Variants in ANK3 observed in about 807,000 individuals in gnomAD.
The protein encoded by ANK3 is ankyrin-3.
In ANK3, 57 loss-of-function variants were observed where a neutral mutation model predicts 370.9. That is an observed-to-expected ratio of 0.15 (90% CI 0.12 to 0.19). The LOEUF (loss-of-function observed/expected upper bound fraction) is 0.19, where lower values mean the gene tolerates loss of function less well. Among genes scored for constraint, ANK3 ranks in the 10% least tolerant of loss-of-function variants. ANK3 has a pLI of 1.00. For synonymous variants in ANK3, 1,929 were observed against 1,946.3 expected (o/e 0.99, Z 0.23); for missense variants, 4,439 against 5,302.1 (o/e 0.84, Z 5.06).
chr10:60,631,034 G>A (rs759281652), intron 1 of ANK3, among the ~76,000 whole-genome samples: 1 of 152,066 alleles, frequency 6.6e-6, no homozygotes, highest in Non-Finnish European at 1.5e-5. Context: ...AAAGCAAGGG[G>A]GAATCAATTA....
chr10:60,255,443 G>A, intron 7 of ANK3, among the ~76,000 whole-genome samples: 1 of 152,224 alleles, frequency 6.6e-6, no homozygotes, highest in East Asian at 1.9e-4. Flanking sequence ...GGGACCAAAG[G>A]AAAACCTAGA....
At position 60,173,112 on chromosome 10, in the gene ANK3, A is replaced by G; in HGVS notation, c.2259T>C (p.Ser753=). 6.2e-7 allele frequency: 1 copy of G among 1,614,160 alleles called. No homozygotes were observed. The highest frequency in any genetic ancestry group is 8.5e-7 in the Non-Finnish European group (1 of 1,179,990). ...IKIVNFLLQH[S]AKVNAKTKNG... ...CCTTTGTTTTGGCATTAACTTTTGC[A>G]GAATGCTGGAGCAGGAAATTAACAA... Residue 753 remains serine (S), a synonymous_variant, in exon 19 of 44, where the codon TCT becomes TCC. Transcript: ENST00000280772.
chr10:60,037,752 A>G (rs1035620543), intron 43 of ANK3, among the ~76,000 whole-genome samples: 2 of 152,216 alleles, frequency 1.3e-5, no homozygotes, highest in African/African-American at 4.8e-5. Context: ...TGCAGTGAAC[A>G]TACATGTGCA....
chr10:60,042,173 C>A (rs187560895), intron 43 of ANK3, among the ~76,000 whole-genome samples: 50 of 152,212 alleles, frequency 3.3e-4, no homozygotes, highest in Non-Finnish European at 6.0e-4. Context: ...CTATTTTTTC[C>A]TTTTGTTTCT....
At chr10:60,577,193 C>CA (rs1211958511) in intron 2 of ANK3, among the ~76,000 whole-genome samples, 1 of 152,140 alleles carries the variant, frequency 6.6e-6, no homozygotes, top group Non-Finnish European at 1.5e-5. Flanking sequence ...ACAGAGCTGG[C>CA]ATTGTCTTAG....
At position 60,644,834 on chromosome 10, in the gene ANK3, T is replaced by C. The variant is rs915818862; in HGVS notation, c.58-29610A>G. On this transcript the variant is annotated intron_variant, in intron 1 of 43. Transcript: ENST00000373827. ...GAAAAACTATCCAAGGAAGTTAATT[T>C]AGTTAAAAGAAAAAAAAAGCTGAGA... Among the ~76,000 whole-genome samples, 16 of 27,852 alleles carry C rather than the reference T, an allele frequency of 5.7e-4. 1 individual carries two copies. Among genetic ancestry groups the C allele is most frequent in the Non-Finnish European group, 6.9e-4 (8 of 11,662 alleles). The allele number at this position is 27,852 out of a possible 152,430, so 18.3% of individuals were successfully genotyped here.
intron 2 of ANK3, among the ~76,000 whole-genome samples, chr10:60,439,506 CA>C (rs112702811): frequency 4.7e-5 from 7 of 149,642 alleles, no homozygotes; most frequent in East Asian, 2.0e-4. Context: ...ATGAAAACAA[CA>C]AAAAAAAATA....
At chr10:60,131,583 T>G (rs908296129) in intron 25 of ANK3, among the ~76,000 whole-genome samples, 1 of 152,230 alleles carries the variant, frequency 6.6e-6, no homozygotes. Context: ...CTTCTATTTC[T>G]GTTCACAAAT....
At chr10:60,511,659 C>T (rs898006323) in intron 2 of ANK3, among the ~76,000 whole-genome samples, 1 of 152,016 alleles carries the variant, frequency 6.6e-6, no homozygotes, top group Non-Finnish European at 1.5e-5. Context: ...CCTCTTATGA[C>T]ACACATTAAG....
chr10:60,483,709 G>A (rs749082666), intron 2 of ANK3, among the ~76,000 whole-genome samples: 7 of 151,844 alleles, frequency 4.6e-5, no homozygotes, highest in African/African-American at 7.3e-5. Flanking sequence ...ATGTTTTCTC[G>A]ACCTCCCCCT....
intron 28 of ANK3, among the ~76,000 whole-genome samples, chr10:60,092,348 G>A (rs7068951): frequency 0.27 from 40,448 of 151,930 alleles, 6,685 homozygotes; most frequent in Non-Finnish European, 0.36. Context: ...TATCAGATAC[G>A]TGAGGCTGAG....
intron 2 of ANK3, among the ~76,000 whole-genome samples, chr10:60,474,890 A>G (rs1431965191): frequency 6.6e-6 from 1 of 152,088 alleles, no homozygotes; most frequent in East Asian, 1.9e-4. Flanking sequence ...GGAGATTTTT[A>G]TCTTCTTCAT....
rs750584727 is a variant in ANK3 at position 60,068,950 on chromosome 10, G to GGTGGTGGTA, written c.11922_11930dup (p.Thr3976_Thr3978dup). 45 of 1,613,896 alleles carry GGTGGTGGTA rather than the reference G, an allele frequency of 2.8e-5. No homozygotes were observed. The highest frequency in any genetic ancestry group is 4.5e-5 in the East Asian group (2 of 44,874). ...TCCTAACTTTAACTGTGCAGCTGGT[G>GGTGGTGGTA]GTGGTGGTAGTGGTGGTAGTGGTGG... On this transcript the variant is annotated inframe_insertion, in exon 37 of 44. Coordinates refer to ENST00000280772, the MANE Select transcript of ANK3 (RefSeq NM_020987.5).
At chr10:60,149,042 G>A (rs1238524944) in intron 23 of ANK3, among the ~76,000 whole-genome samples, 1 of 152,208 alleles carries the variant, frequency 6.6e-6, no homozygotes, top group Non-Finnish European at 1.5e-5. Flanking sequence ...TGTATAAACA[G>A]CGATTTTGGC....
chr10:60,108,063 A>C (rs904916292), intron 27 of ANK3: 23 of 268,900 alleles, frequency 8.6e-5, no homozygotes, highest in African/African-American at 4.9e-4. Context: ...TGAAAGCATT[A>C]AAAAAAACTT....
At chr10:60,514,806 C>T (rs1177099069) in intron 2 of ANK3, among the ~76,000 whole-genome samples, 2 of 151,956 alleles carry the variant, frequency 1.3e-5, no homozygotes, top group Non-Finnish European at 2.9e-5. Flanking sequence ...TTCCAAGTTG[C>T]TTCTATGTCA....
At chr10:60,597,437 C>A (rs1268092852) in intron 2 of ANK3, among the ~76,000 whole-genome samples, 4 of 152,166 alleles carry the variant, frequency 2.6e-5, no homozygotes, top group African/African-American at 9.7e-5. Flanking sequence ...TGTTATCTAC[C>A]TATACTACTG....
At chr10:60,213,774 T>C (rs2096892593) in intron 8 of ANK3, among the ~76,000 whole-genome samples, 1 of 152,180 alleles carries the variant, frequency 6.6e-6, no homozygotes, top group Non-Finnish European at 1.5e-5. Flanking sequence ...GTCTTTTGAA[T>C]AGCCAATAAA....
chr10:60,636,982 T>C (rs932180604), intron 1 of ANK3, among the ~76,000 whole-genome samples: 1 of 152,152 alleles, frequency 6.6e-6, no homozygotes, highest in African/African-American at 2.4e-5. Flanking sequence ...TTCATACCTG[T>C]TTCTTACTTT....
Sources: gnomAD v4.1 joint callset for allele counts (sites outside exome capture counted in the v4.1 genomes callset) on GRCh38, gnomAD v4.1.1 for gene constraint, MANE v1.5 for transcripts, NCBI Gene and HGNC (gene_info 2026-07-23, HGNC 2026-07-21) for gene names.